IRAK2: variants seen among roughly 807,000 people sequenced by gnomAD.
IRAK2 encodes interleukin-1 receptor-associated kinase-like 2.
IRAK2 carries 57 observed loss-of-function variants against 72.0 expected under a neutral mutation model. That is an observed-to-expected ratio of 0.79 (90% CI 0.64 to 0.99). The LOEUF (loss-of-function observed/expected upper bound fraction) is 0.99, where lower values mean the gene tolerates loss of function less well. IRAK2 is among the 50% of genes least tolerant of loss of function. The probability of loss-of-function intolerance (pLI) is 0.00; values close to 1 mark genes in which losing one functional copy is unlikely to be tolerated. For missense variants in IRAK2, 790 were observed against 794.4 expected (o/e 0.99, Z 0.07); for synonymous variants, 293 against 312.7 (o/e 0.94, Z 0.67).
chr3:10,236,342 G>GTTTTTTTTTT (rs34423993), intron 11 of IRAK2, among the ~76,000 whole-genome samples: 10 of 99,632 alleles, frequency 1.0e-4, no homozygotes, highest in African/African-American at 3.0e-4. Flanking sequence ...AGCCACTAAG[G>GTTTTTTTTTT]TTTTTTTTTT....
intron 12 of IRAK2, among the ~76,000 whole-genome samples, chr3:10,239,743 A>T (rs1199275718): frequency 6.6e-6 from 1 of 151,990 alleles, no homozygotes; most frequent in African/African-American, 2.4e-5. Flanking sequence ...ACAAAAAACA[A>T]AAAACTCAAT....
At chr3:10,182,322 G>C (rs577472921) in intron 2 of IRAK2, among the ~76,000 whole-genome samples, 1 of 135,016 alleles carries the variant, frequency 7.4e-6, no homozygotes, top group Non-Finnish European at 1.6e-5. Context: ...TCACTCTGTC[G>C]CCCAGCCTGG....
At chr3:10,180,930 C>T (rs1410602934) in intron 2 of IRAK2, among the ~76,000 whole-genome samples, 1 of 151,854 alleles carries the variant, frequency 6.6e-6, no homozygotes, top group East Asian at 2.0e-4. Context: ...TTTCCAGGCC[C>T]TCCTGTCTGG....
intron 2 of IRAK2, among the ~76,000 whole-genome samples, chr3:10,194,873 C>T (rs1334761447): frequency 3.9e-5 from 6 of 152,164 alleles, no homozygotes; most frequent in Non-Finnish European, 7.4e-5. Flanking sequence ...CTTGTTGGGG[C>T]TGACATGGGG....
chr3:10,179,703 G>T (rs1409930646), intron 2 of IRAK2, among the ~76,000 whole-genome samples: 1 of 152,194 alleles, frequency 6.6e-6, no homozygotes, highest in East Asian at 1.9e-4. Context: ...CAAAGTGCTG[G>T]GATTATAGGT....
intron 8 of IRAK2, 26 bp downstream of exon 8, chr3:10,219,815 T>C (rs1419394447): frequency 2.0e-6 from 3 of 1,529,624 alleles, no homozygotes; most frequent in Non-Finnish European, 2.7e-6. Flanking sequence ...TGGACCCTGC[T>C]GGGGCCTGGG....
At chr3:10,185,347 C>T (rs536596623) in intron 2 of IRAK2, among the ~76,000 whole-genome samples, 2 of 150,206 alleles carry the variant, frequency 1.3e-5, no homozygotes, top group African/African-American at 2.5e-5. Context: ...CACCTGAGGT[C>T]GGGAGTTCGG....
chr3:10,182,245 A>T (rs1395561082), intron 2 of IRAK2, among the ~76,000 whole-genome samples: 1 of 150,900 alleles, frequency 6.6e-6, no homozygotes, highest in Non-Finnish European at 1.5e-5. Context: ...CTGGGATTAC[A>T]GGTGTGAGCC....
intron 2 of IRAK2, among the ~76,000 whole-genome samples, chr3:10,181,089 C>T (rs1696952644): frequency 6.6e-6 from 1 of 152,090 alleles, no homozygotes; most frequent in African/African-American, 2.4e-5. Flanking sequence ...TGGTCCTCCC[C>T]ATCCCCTGGA....
chr3:10,209,951 G>C (rs1468673049), intron 4 of IRAK2, among the ~76,000 whole-genome samples: 1 of 151,992 alleles, frequency 6.6e-6, no homozygotes. Context: ...ACAGAGTCTC[G>C]CTCTGCCACC....
chr3:10,221,198 C>T (rs186233528), intron 8 of IRAK2, among the ~76,000 whole-genome samples: 3 of 150,094 alleles, frequency 2.0e-5, no homozygotes, highest in African/African-American at 4.9e-5. Context: ...CGAGACCATC[C>T]TGGCTAACAC....
At chr3:10,181,797 G>A (rs1696963193) in intron 2 of IRAK2, among the ~76,000 whole-genome samples, 4 of 151,984 alleles carry the variant, frequency 2.6e-5, no homozygotes, top group Non-Finnish European at 5.9e-5. Context: ...CCTGGAGACT[G>A]GAATCACTCT....
intron 2 of IRAK2, among the ~76,000 whole-genome samples, chr3:10,180,701 G>C (rs189607060): frequency 6.6e-6 from 1 of 152,112 alleles, no homozygotes; most frequent in Non-Finnish European, 1.5e-5. Flanking sequence ...CTTCCAGGAG[G>C]GGGGACTGGG....
intron 1 of IRAK2, among the ~76,000 whole-genome samples, chr3:10,166,107 C>T (rs1261227787): frequency 2.6e-5 from 4 of 152,184 alleles, no homozygotes; most frequent in Non-Finnish European, 5.9e-5. Flanking sequence ...GCCACTGTGC[C>T]CAGCCTATTT....
chr3:10,182,813 G>A (rs1305959163), intron 2 of IRAK2, among the ~76,000 whole-genome samples: 2 of 147,206 alleles, frequency 1.4e-5, no homozygotes, highest in Admixed American at 1.4e-4. Context: ...TTCTGTCACT[G>A]AGGCTGGAGT....
At chr3:10,184,778 G>T (rs533491917) in intron 2 of IRAK2, among the ~76,000 whole-genome samples, 55 of 139,986 alleles carry the variant, frequency 3.9e-4, no homozygotes, top group Non-Finnish European at 3.8e-4. Flanking sequence ...CGCCCAGGCT[G>T]GAGTGCAGTG....
At chr3:10,238,074 T>C (rs1203413608) in intron 11 of IRAK2, among the ~76,000 whole-genome samples, 1 of 151,800 alleles carries the variant, frequency 6.6e-6, no homozygotes, top group Non-Finnish European at 1.5e-5. Context: ...TGATTGAAAG[T>C]GTTAGGAACT....
At chr3:10,229,869 G>C (rs1480641268) in intron 10 of IRAK2, among the ~76,000 whole-genome samples, 3 of 152,190 alleles carry the variant, frequency 2.0e-5, no homozygotes, top group Non-Finnish European at 2.9e-5. Flanking sequence ...GGGAGGCTGA[G>C]GTGGGTGGAT....
At position 10,213,130 on chromosome 3, in the gene IRAK2, G is replaced by T. The variant is rs147160844; in HGVS notation, c.529-77G>T. 1.1e-3 allele frequency: 1,277 copies of T among 1,206,726 alleles called. 7 individuals carry two copies. The highest frequency in any genetic ancestry group is 4.7e-3 in the South Asian group (359 of 75,978). 74.8% of individuals were successfully genotyped at this position (1,206,726 alleles called of 1,614,324 possible). On this transcript the variant is annotated intron_variant, in intron 4 of 12. Transcript: ENST00000256458. ...GATCCCCTCCATCCCTCCATCTCTG[G>T]TGTTCCAAGGTCCCTTGAGGTAGCA...
Sources: allele counts gnomAD v4.1 joint callset (sites outside exome capture counted in the v4.1 genomes callset), GRCh38; gene constraint gnomAD v4.1.1; transcripts MANE v1.5; gene names NCBI Gene and HGNC (gene_info 2026-07-23, HGNC 2026-07-21).